UBE2E3: variants seen among roughly 807,000 people sequenced by gnomAD.
The protein encoded by UBE2E3 is ubiquitin conjugating enzyme E2 E3, also known as ubiquitin-conjugating enzyme E2 E3.
UBE2E3 carries 5 observed loss-of-function variants against 23.6 expected under a neutral mutation model. That is an observed-to-expected ratio of 0.21 (90% CI 0.11 to 0.44). The LOEUF (loss-of-function observed/expected upper bound fraction) is 0.44, where lower values mean the gene tolerates loss of function less well. Among genes scored for constraint, UBE2E3 ranks in the 20% least tolerant of loss-of-function variants. The pLI, the probability that UBE2E3 is intolerant of heterozygous loss-of-function variation, is 0.99. For missense variants in UBE2E3, 81 were observed against 249.8 expected (o/e 0.32, Z 4.55); for synonymous variants, 78 against 87.5 (o/e 0.89, Z 0.60).
chr2:181,014,479 A>G (rs1685428227), intron 3 of UBE2E3, among the ~76,000 whole-genome samples: 1 of 152,152 alleles, frequency 6.6e-6, no homozygotes, highest in South Asian at 2.1e-4. Context: ...GTTAACTTTT[A>G]ATGATTGATT....
At chr2:181,013,533 G>A (rs1685395342) in intron 3 of UBE2E3, among the ~76,000 whole-genome samples, 1 of 151,078 alleles carries the variant, frequency 6.6e-6, no homozygotes, top group Admixed American at 6.6e-5. Flanking sequence ...GGCTGCTTAA[G>A]TGTTCTCATA....
At chr2:180,980,530 G>A (rs1181542675), upstream of UBE2E3, 1 of 147,974 alleles carries the variant, frequency 6.8e-6, no homozygotes, top group African/African-American at 2.4e-5. The surrounding 1 kb of genome is among the most constrained non-coding windows in gnomAD (Gnocchi z 5.5). Context: ...CGTCGGCGGC[G>A]CGCGCCCCTC....
rs1684318555 is a variant in UBE2E3, at chr2:180,982,205, A to G, written c.163A>G (p.Thr55Ala). 6.2e-7 allele frequency: 1 copy of G among 1,611,826 alleles called. No homozygotes were observed. The highest frequency in any genetic ancestry group is 8.5e-7 in the Non-Finnish European group (1 of 1,179,208). ...GAAAAACACCAAACTCTCTAGCAAA[A>G]CCACTGCTAAGTTATCCACTAGTGC... The part of the protein sequence containing the change: ...QKKNTKLSSK[T>A]TAKLSTSAKR... Residue 55 changes from threonine (T) to alanine (A), a missense_variant, in exon 2 of 6, where the codon ACC becomes GCC. By Grantham distance (58) the Thr-to-Ala change is moderately conservative. Transcript: ENST00000410062.
At chr2:181,007,586 G>A (rs986584809) in intron 3 of UBE2E3, among the ~76,000 whole-genome samples, 2 of 151,914 alleles carry the variant, frequency 1.3e-5, no homozygotes, top group African/African-American at 4.8e-5. Context: ...GGAAATTGGA[G>A]CTGGAACCAT....
At chr2:181,041,800 G>C (rs185865227) in intron 3 of UBE2E3, among the ~76,000 whole-genome samples, 2 of 152,294 alleles carry the variant, frequency 1.3e-5, no homozygotes, top group African/African-American at 4.8e-5. Flanking sequence ...GCTTTCACTA[G>C]GTGAATTGAA....
intron 3 of UBE2E3, among the ~76,000 whole-genome samples, chr2:181,017,132 G>C (rs1258799754): frequency 2.0e-5 from 3 of 152,210 alleles, no homozygotes; most frequent in Non-Finnish European, 4.4e-5. Context: ...AGAAGGGCCT[G>C]AGACTGATAG....
intron 3 of UBE2E3, among the ~76,000 whole-genome samples, chr2:181,031,624 C>T (rs532014018): frequency 8.5e-5 from 13 of 152,168 alleles, no homozygotes; most frequent in East Asian, 1.9e-4. Flanking sequence ...TCTCTTTCTG[C>T]GCCCCTCCTC....
intron 3 of UBE2E3, among the ~76,000 whole-genome samples, chr2:181,053,152 C>G (rs929736420): frequency 1.3e-5 from 2 of 151,788 alleles, no homozygotes; most frequent in African/African-American, 4.8e-5. Flanking sequence ...AGGAAAAGAT[C>G]AGAGGCCAGA....
In UBE2E3 at chr2:181,037,178, A is replaced by G. The variant is rs138264062; in HGVS notation, c.246-20515A>G. On this transcript the variant is annotated intron_variant, in intron 3 of 5. Coordinates refer to ENST00000410062, the MANE Select transcript of UBE2E3 (RefSeq NM_006357.4). ...CATGTTTGTGGTGATGCTGGTGGAA[A>G]CAAACTTGTGCTGCCAGCAAATATA... 6.2e-4 allele frequency among the ~76,000 whole-genome samples: 95 copies of G among 152,370 alleles called. 1 individual carries two copies. In the East Asian group the frequency reaches 0.014, roughly 23 times the overall value.
intron 3 of UBE2E3, among the ~76,000 whole-genome samples, chr2:181,055,908 A>G (rs556693029): frequency 7.3e-5 from 11 of 151,666 alleles, no homozygotes; most frequent in Admixed American, 2.0e-4. Flanking sequence ...TTTGTATTTT[A>G]TAAAGTAATG....
intron 3 of UBE2E3, among the ~76,000 whole-genome samples, chr2:181,011,929 G>A (rs998496487): frequency 6.6e-6 from 1 of 152,114 alleles, no homozygotes; most frequent in Non-Finnish European, 1.5e-5. Flanking sequence ...TCCTGAGTGA[G>A]GGTTGTTAGG....
intron 3 of UBE2E3, among the ~76,000 whole-genome samples, chr2:180,997,364 A>G (rs1302676642): frequency 2.0e-5 from 3 of 151,070 alleles, no homozygotes; most frequent in Non-Finnish European, 3.0e-5. Flanking sequence ...AGCTGTTAGT[A>G]TTTTTTCATA....
At chr2:181,061,707 T>C (rs1263483994) in intron 5 of UBE2E3, among the ~76,000 whole-genome samples, 1 of 151,544 alleles carries the variant, frequency 6.6e-6, no homozygotes, top group Non-Finnish European at 1.5e-5. Context: ...CTTCAGAAAC[T>C]TGGGTAGCTG....
chr2:181,008,068 G>T (rs1685205238), intron 3 of UBE2E3, among the ~76,000 whole-genome samples: 1 of 152,192 alleles, frequency 6.6e-6, no homozygotes, highest in Admixed American at 6.5e-5. Context: ...GACTTGAAAA[G>T]TATTGAGATT....
intron 3 of UBE2E3, among the ~76,000 whole-genome samples, chr2:181,039,457 G>A (rs557652881): frequency 6.6e-6 from 1 of 152,136 alleles, no homozygotes; most frequent in East Asian, 1.9e-4. Context: ...GCCTGTGGTC[G>A]AATGTAAAAA....
rs1687124336 is a variant in UBE2E3 at position 181,060,660 on chromosome 2, C to G, written c.379-5C>G. On this transcript the variant is annotated splice_polypyrimidine_tract_variant and splice_region_variant and intron_variant, in intron 4 of 5. Transcript: ENST00000410062. ...TCCTTCTGTTTTTAATGTGACTGTG[C>G]TTAGGTTACTTTCCGCACCAGAATC... The G allele has an allele frequency of 1.3e-6, 2 of 1,596,228 alleles. No individual in the cohort carries two copies. The highest frequency in any genetic ancestry group is 1.7e-6 in the Non-Finnish European group (2 of 1,172,826).
intron 3 of UBE2E3, among the ~76,000 whole-genome samples, chr2:181,003,507 A>T (rs116830496): frequency 0.015 from 2,233 of 152,298 alleles, 35 homozygotes; most frequent in Middle Eastern, 0.031. Context: ...CAATCTAATT[A>T]CAGTTGGACT....
At chr2:181,051,833 A>C (rs1205195022) in intron 3 of UBE2E3, among the ~76,000 whole-genome samples, 1 of 151,942 alleles carries the variant, frequency 6.6e-6, no homozygotes, top group Non-Finnish European at 1.5e-5. Context: ...TAGTGAATAC[A>C]TGAGCTAGTT....
chr2:181,056,741 G>C (rs1338298791), intron 3 of UBE2E3, among the ~76,000 whole-genome samples: 2 of 151,780 alleles, frequency 1.3e-5, no homozygotes, highest in African/African-American at 4.8e-5. Context: ...AAGAAATTTT[G>C]ATAAGAAGCA....
Sources: gnomAD v4.1 joint callset for allele counts (sites outside exome capture counted in the v4.1 genomes callset) on GRCh38, gnomAD v4.1.1 for gene constraint, Gnocchi (gnomAD v3.1) non-coding constraint, MANE v1.5 for transcripts, NCBI Gene and HGNC (gene_info 2026-07-23, HGNC 2026-07-21) for gene names.